Variants in COL21A1 observed in about 807,000 individuals in gnomAD.
The protein encoded by COL21A1 is collagen type XXI alpha 1 chain.
A neutral mutation model predicts 137.9 loss-of-function variants in COL21A1; 149 were observed. The observed-to-expected ratio is 1.08, with a 90% CI of 0.95 to 1.24. The LOEUF (loss-of-function observed/expected upper bound fraction) is 1.24, where lower values mean the gene tolerates loss of function less well. Ranked by LOEUF, COL21A1 falls within the 50% of genes most tolerant of loss-of-function variation. The probability of loss-of-function intolerance (pLI) is 0.00; values close to 1 mark genes in which losing one functional copy is unlikely to be tolerated. For missense variants in COL21A1, 1,167 were observed against 1,158.4 expected (o/e 1.01, Z -0.11); for synonymous variants, 456 against 391.5 (o/e 1.16, Z -1.95).
intron 1 of COL21A1, among the ~76,000 whole-genome samples, chr6:56,201,872 T>C (rs1779431068): frequency 6.6e-6 from 1 of 152,172 alleles, no homozygotes; most frequent in African/African-American, 2.4e-5. Context: ...TGTTACATTT[T>C]AGTATACTAA....
intron 1 of COL21A1, among the ~76,000 whole-genome samples, chr6:56,340,673 C>T (rs1382256846): frequency 1.3e-5 from 2 of 152,124 alleles, no homozygotes; most frequent in Non-Finnish European, 2.9e-5. Context: ...TTGGCTTTCC[C>T]TAGTGTTAAT....
At position 56,268,653 on chromosome 6, in the gene COL21A1, AC is replaced by A. The variant is rs148508143; in HGVS notation, c.-38-85998del. ...AGCCAATTGACTATACTCAACTTAC[AC>A]CACAGATAAAGGAACATCAGCCCTC... On this transcript the variant is annotated intron_variant, in intron 1 of 28. Transcript: ENST00000370819. Among the ~76,000 whole-genome samples, 625 of 152,308 alleles carry A rather than the reference AC, an allele frequency of 4.1e-3. 5 individuals carry two copies. Among genetic ancestry groups the A allele is most frequent in the African/African-American group, 0.014 (596 of 41,558 alleles).
chr6:56,265,382 A>T (rs1193105563), intron 1 of COL21A1, among the ~76,000 whole-genome samples: 1 of 152,206 alleles, frequency 6.6e-6, no homozygotes, highest in Non-Finnish European at 1.5e-5. Context: ...GGTCAGTGTT[A>T]GTCCAAAAAC....
intron 16 of COL21A1, among the ~76,000 whole-genome samples, chr6:56,102,129 C>T (rs868459866): frequency 1.3e-5 from 2 of 152,056 alleles, no homozygotes; most frequent in Admixed American, 6.6e-5. Flanking sequence ...TTTACATCTA[C>T]GTTTTGGAAG....
chr6:56,255,947 GGCTTAGCTGGAAGAAA>G (rs1782960125), intron 1 of COL21A1, among the ~76,000 whole-genome samples: 1 of 152,134 alleles, frequency 6.6e-6, no homozygotes, highest in African/African-American at 2.4e-5. Flanking sequence ...AGGTCTGCTT[GGCTTAGCTGGAAGAAA>G]GGCTCTCACC....
At chr6:56,150,514 TCA>T (rs747022399) in intron 10 of COL21A1, among the ~76,000 whole-genome samples, 1,372 of 46,004 alleles carry the variant, frequency 0.03, 14 homozygotes, top group South Asian at 0.066. Context: ...CGAGACTCCA[TCA>T]CACACACACA....
intron 1 of COL21A1, among the ~76,000 whole-genome samples, chr6:56,271,710 CT>C (rs751489024): frequency 2.6e-5 from 4 of 152,336 alleles, no homozygotes; most frequent in East Asian, 3.9e-4. Context: ...GAAAAAATTG[CT>C]CTGTGGGCTT....
chr6:56,060,576 T>C (rs1300762096), intron 27 of COL21A1, 165 bp downstream of exon 27: 1 of 529,070 alleles, frequency 1.9e-6, no homozygotes. Flanking sequence ...AGAGTATATA[T>C]GATAAATCTT....
intron 10 of COL21A1, among the ~76,000 whole-genome samples, chr6:56,153,943 C>T (rs1456473089): frequency 6.6e-6 from 1 of 152,198 alleles, no homozygotes; most frequent in Non-Finnish European, 1.5e-5. Context: ...CATACATCTG[C>T]ATGAAAATAA....
chr6:56,132,168 T>A (rs534779490), intron 12 of COL21A1, among the ~76,000 whole-genome samples: 17 of 151,572 alleles, frequency 1.1e-4, no homozygotes, highest in Non-Finnish European at 2.2e-4. Flanking sequence ...ATAAAAAATT[T>A]TTAGGTTAAA....
rs551229115 is a variant in COL21A1, at chr6:56,280,165, T to C, written c.-38-97509A>G. On this transcript the variant is annotated intron_variant, in intron 1 of 28. Transcript: ENST00000370819. ...ATGAATATTTATTGTGTTCAGTTCA[T>C]ACCAAGGACTCATCTAGGACACCTA... 3.3e-5 allele frequency among the ~76,000 whole-genome samples: 5 copies of C among 152,348 alleles called. No homozygotes were observed. In the East Asian group the frequency reaches 5.8e-4, roughly 18 times the overall value.
chr6:56,304,289 A>C (rs1352321578), intron 1 of COL21A1, among the ~76,000 whole-genome samples: 17 of 151,946 alleles, frequency 1.1e-4, no homozygotes, highest in East Asian at 3.8e-4. Flanking sequence ...ATTGATTGGA[A>C]TAGTTTCAGA....
At chr6:56,328,176 T>C (rs1765139500) in intron 1 of COL21A1, among the ~76,000 whole-genome samples, 1 of 152,106 alleles carries the variant, frequency 6.6e-6, no homozygotes, top group Admixed American at 6.6e-5. Context: ...AAACCAAGTA[T>C]GTAAACTTGT....
chr6:56,106,158 A>G (rs936863918), intron 16 of COL21A1, among the ~76,000 whole-genome samples: 4 of 152,202 alleles, frequency 2.6e-5, no homozygotes, highest in African/African-American at 4.8e-5. Context: ...TGCTATATAA[A>G]ATATTCTCCA....
At chr6:56,302,757 G>T (rs1186550993) in intron 1 of COL21A1, among the ~76,000 whole-genome samples, 1 of 150,586 alleles carries the variant, frequency 6.6e-6, no homozygotes, top group African/African-American at 2.4e-5. Flanking sequence ...GTCAATTTTG[G>T]CTTTTGTTGC....
intron 1 of COL21A1, among the ~76,000 whole-genome samples, chr6:56,353,181 C>A (rs1048504639): frequency 6.6e-6 from 1 of 152,140 alleles, no homozygotes; most frequent in Non-Finnish European, 1.5e-5. Flanking sequence ...GCTTTAGTAG[C>A]TCACTTCTAC....
intron 1 of COL21A1, chr6:56,276,798 G>GT (rs202071546): frequency 0.28 from 248,726 of 877,500 alleles, 40,522 homozygotes; most frequent in East Asian, 0.6. Flanking sequence ...AGTGAGTTGT[G>GT]TTTTTTTTGT....
At chr6:56,289,688 A>G (rs748396979) in intron 1 of COL21A1, among the ~76,000 whole-genome samples, 7 of 152,202 alleles carry the variant, frequency 4.6e-5, no homozygotes, top group Non-Finnish European at 8.8e-5. Flanking sequence ...GAATCCGGGA[A>G]TACCAACCTG....
chr6:56,211,075 G>A (rs761777558), intron 1 of COL21A1, among the ~76,000 whole-genome samples: 7 of 150,130 alleles, frequency 4.7e-5, no homozygotes, highest in Non-Finnish European at 7.4e-5. Flanking sequence ...TAAGCTTTAT[G>A]TAGAATTCTA....
Sources: gnomAD v4.1 joint callset for allele counts (sites outside exome capture counted in the v4.1 genomes callset) on GRCh38, gnomAD v4.1.1 for gene constraint, MANE v1.5 for transcripts, NCBI Gene and HGNC (gene_info 2026-07-23, HGNC 2026-07-21) for gene names.